The following KCNC4 variants were observed in gnomAD, a reference collection of about 807,000 sequenced individuals.
KCNC4 encodes the protein potassium voltage-gated channel subfamily C member 4.
In KCNC4, 23 loss-of-function variants were observed where a neutral mutation model predicts 42.8. That is an observed-to-expected ratio of 0.54 (90% CI 0.39 to 0.76). The LOEUF is 0.76. Ranked by LOEUF, KCNC4 falls within the 30% of genes least tolerant of loss-of-function variation. KCNC4 has a pLI of 0.00. For synonymous variants in KCNC4, 422 were observed against 393.5 expected (o/e 1.07, Z -0.86); for missense variants, 751 against 898.2 (o/e 0.84, Z 2.10).
chr1:110,240,848 C>T (rs1659019012), exon 4 of KCNC4: 1 of 152,478 alleles, frequency 6.6e-6, no homozygotes, highest in South Asian at 2.1e-4. Flanking sequence ...GCTATCCTCT[C>T]ACCATGCCAG....
At chr1:110,267,421 T>C (rs1659559844) in intron 1 of KCNC4, among the ~76,000 whole-genome samples, 1 of 152,104 alleles carries the variant, frequency 6.6e-6, no homozygotes, top group Non-Finnish European at 1.5e-5. Context: ...GGCCCGTCCT[T>C]ATTCCCCGCT....
downstream of KCNC4, among the ~76,000 whole-genome samples, chr1:110,283,951 A>T (rs905272256): frequency 6.6e-5 from 10 of 152,168 alleles, no homozygotes; most frequent in African/African-American, 1.2e-4. Context: ...CCACTTGCTA[A>T]CTGTGTTACT....
At chr1:110,251,438 A>G (rs903075062), downstream of KCNC4, among the ~76,000 whole-genome samples, 2 of 152,174 alleles carry the variant, frequency 1.3e-5, no homozygotes, top group Non-Finnish European at 2.9e-5. Context: ...GCCGCCATGT[A>G]AGACATGTCT....
At chr1:110,230,797 T>A (rs1436813396) in intron 3 of KCNC4, among the ~76,000 whole-genome samples, 1 of 152,132 alleles carries the variant, frequency 6.6e-6, no homozygotes, top group Non-Finnish European at 1.5e-5. Flanking sequence ...TCTCAGCACC[T>A]CTGGGCCTGC....
At chr1:110,245,353 G>A (rs1659122925) in exon 4 of KCNC4, 1 of 152,228 alleles carries the variant, frequency 6.6e-6, no homozygotes, top group Non-Finnish European at 1.5e-5. Flanking sequence ...GGCAGACCTA[G>A]GTCCATTCCT....
chr1:110,266,841 C>A (rs1659548000), intron 1 of KCNC4, among the ~76,000 whole-genome samples: 1 of 152,172 alleles, frequency 6.6e-6, no homozygotes, highest in Non-Finnish European at 1.5e-5. Flanking sequence ...GACCCGAGGA[C>A]CCCGTGCCTT....
chr1:110,269,876 C>T (rs1200333587), intron 1 of KCNC4, among the ~76,000 whole-genome samples: 1 of 152,174 alleles, frequency 6.6e-6, no homozygotes, highest in Non-Finnish European at 1.5e-5. Flanking sequence ...CCATTCCAAC[C>T]TCCCTCCGTT....
intron 1 of KCNC4, 37 bp downstream of exon 1, chr1:110,212,214 C>A: frequency 7.0e-7 from 1 of 1,423,858 alleles, no homozygotes; most frequent in Non-Finnish European, 9.1e-7. Context: ...CATCTTGGGT[C>A]TGCAAGGGGT....
chr1:110,241,131 A>G (rs10857816), exon 4 of KCNC4: 62,344 of 151,992 alleles, frequency 0.41, 12,896 homozygotes, highest in Admixed American at 0.46. Context: ...GGTGGTGACA[A>G]GCTGGGTTTC....
intron 1 of KCNC4, chr1:110,272,721 T>G (rs6673804): frequency 0.31 from 43,912 of 141,490 alleles, 6,763 homozygotes; most frequent in Admixed American, 0.44. Flanking sequence ...AAAAGAGGGG[T>G]TGGGGAGAGA....
At chr1:110,252,631 A>C (rs1659266850), downstream of KCNC4, among the ~76,000 whole-genome samples, 1 of 152,208 alleles carries the variant, frequency 6.6e-6, no homozygotes, top group Non-Finnish European at 1.5e-5. Context: ...CTGCCTCCCG[A>C]GAATGGCTCT....
chr1:110,231,388 A>T (rs1658683672), intron 3 of KCNC4, among the ~76,000 whole-genome samples: 1 of 151,912 alleles, frequency 6.6e-6, no homozygotes, highest in Non-Finnish European at 1.5e-5. Context: ...CCCCTCCCCA[A>T]CTCTCAGAGG....
exon 4 of KCNC4, chr1:110,245,920 G>A (rs1659136397): frequency 6.6e-6 from 1 of 152,214 alleles, no homozygotes; most frequent in African/African-American, 2.4e-5. Context: ...TCCAGCTCTA[G>A]CTGCCCTTGT....
At chr1:110,214,890 C>T (rs1446686971) in intron 1 of KCNC4, among the ~76,000 whole-genome samples, 1 of 152,172 alleles carries the variant, frequency 6.6e-6, no homozygotes, top group Non-Finnish European at 1.5e-5. Flanking sequence ...GGGTACTATG[C>T]CATGCGGGGA....
rs906968859 is a variant in KCNC4, at chr1:110,232,107, A to C, written c.1820-804A>C. 2.9e-5 allele frequency: 28 copies of C among 953,914 alleles called. 1 individual carries two copies. The highest frequency in any genetic ancestry group is 4.0e-5 in the Non-Finnish European group (25 of 627,230). The allele number at this position is 953,914 out of a possible 1,614,324, so 59.1% of individuals were successfully genotyped here. A position where few individuals can be genotyped will look rare whatever the true frequency, so the allele number is the denominator to read the frequency against. ...GTGCTCCCACTGGTAAGGTAGGGGAAGGAAAGGCCCAGGTGGTAGACATCC... is the reference window on the plus strand; with the variant it reads ...GTGCTCCCACTGGTAAGGTAGGGGACGGAAAGGCCCAGGTGGTAGACATCC... On this transcript the variant is annotated intron_variant, in intron 3 of 3. Transcript: ENST00000438661.
downstream of KCNC4, among the ~76,000 whole-genome samples, chr1:110,251,887 C>T (rs1035946197): frequency 6.6e-6 from 1 of 152,228 alleles, no homozygotes; most frequent in Non-Finnish European, 1.5e-5. Context: ...GTGTTTCTGT[C>T]CTTGGTCCAG....
At chr1:110,232,131 C>G in intron 3 of KCNC4, 1 of 1,297,962 alleles carries the variant, frequency 7.7e-7, no homozygotes, top group Non-Finnish European at 1.1e-6. Flanking sequence ...TGGTAGACAT[C>G]CCAGGCTGAG....
intron 1 of KCNC4, among the ~76,000 whole-genome samples, chr1:110,275,372 A>T (rs1659700332): frequency 1.3e-5 from 2 of 152,328 alleles, no homozygotes; most frequent in Admixed American, 1.3e-4. Context: ...GATGTTGGTG[A>T]GGATGCAGAG....
chr1:110,252,179 C>G (rs1438048379), downstream of KCNC4, among the ~76,000 whole-genome samples: 1 of 152,228 alleles, frequency 6.6e-6, no homozygotes, highest in Non-Finnish European at 1.5e-5. Flanking sequence ...TTGGCACGGG[C>G]AGCTTGGGGA....
Sources: allele counts gnomAD v4.1 joint callset (sites outside exome capture counted in the v4.1 genomes callset), GRCh38; gene constraint gnomAD v4.1.1; transcripts MANE v1.5; gene names NCBI Gene and HGNC (gene_info 2026-07-23, HGNC 2026-07-21).